The following MCTP1 variants were observed in gnomAD, a reference collection of about 807,000 sequenced individuals.
MCTP1 encodes the protein multiple C2 and transmembrane domain-containing protein 1.
A neutral mutation model predicts 120.6 loss-of-function variants in MCTP1; 69 were observed. That is an observed-to-expected ratio of 0.57 (90% CI 0.47 to 0.70). MCTP1 has a LOEUF of 0.70. Among genes scored for constraint, MCTP1 ranks in the 30% least tolerant of loss-of-function variants. The pLI is 0.00. For missense variants in MCTP1, 1,203 were observed against 1,248.8 expected, an observed-to-expected ratio of 0.96 and a Z score of 0.55; for synonymous variants, 529 against 493.1, an observed-to-expected ratio of 1.07 and a Z score of -0.96.
chr5:95,186,938 G>A (rs1247218626), intron 1 of MCTP1, among the ~76,000 whole-genome samples: 1 of 152,134 alleles, frequency 6.6e-6, no homozygotes, highest in Non-Finnish European at 1.5e-5. Context: ...ATATCCAAAA[G>A]ACAGGCAACA....
Position 94,772,817 on chromosome 5 carries a change from G to A in MCTP1, c.2610+6293C>T, listed in dbSNP as rs527382509. 3.3e-5 allele frequency among the ~76,000 whole-genome samples: 5 copies of A among 152,166 alleles called. No individual in the cohort carries two copies. In the South Asian group the frequency reaches 6.2e-4, roughly 19 times the overall value. On this transcript the variant is annotated intron_variant, in intron 19 of 22. Coordinates refer to ENST00000515393, the MANE Select transcript of MCTP1 (RefSeq NM_024717.7). ...GTACTTTGACAATACCCCTTCCCCC[G>A]GAAAACCTAGTCATAAGGAAGCGTA...
chr5:95,131,637 T>A (rs1759052525), intron 1 of MCTP1, among the ~76,000 whole-genome samples: 2 of 152,160 alleles, frequency 1.3e-5, no homozygotes, highest in South Asian at 4.1e-4. Context: ...TAACATAATT[T>A]ATGATTTCTT....
intron 1 of MCTP1, among the ~76,000 whole-genome samples, chr5:95,167,594 C>A (rs1369095228): frequency 1.3e-5 from 2 of 152,134 alleles, no homozygotes; most frequent in Admixed American, 6.6e-5. Context: ...TCTTAATGAT[C>A]GCCATTCTAA....
intron 1 of MCTP1, among the ~76,000 whole-genome samples, chr5:95,174,348 G>A (rs1747721023): frequency 6.6e-6 from 1 of 151,830 alleles, no homozygotes; most frequent in South Asian, 2.1e-4. Context: ...CAAAATCAGA[G>A]ATAATGAAAA....
chr5:94,863,301 T>C (rs571033068), intron 17 of MCTP1, among the ~76,000 whole-genome samples: 36 of 151,956 alleles, frequency 2.4e-4, no homozygotes, highest in African/African-American at 7.9e-4. Context: ...AAAAGTTACA[T>C]CTAGAACATT....
intron 1 of MCTP1, among the ~76,000 whole-genome samples, chr5:95,102,696 T>C (rs1181271012): frequency 6.9e-6 from 1 of 144,340 alleles, no homozygotes; most frequent in Non-Finnish European, 1.5e-5. Context: ...CAATCCATGA[T>C]TACAGTATGT....
intron 3 of MCTP1, among the ~76,000 whole-genome samples, chr5:94,950,528 G>A (rs910794139): frequency 4.6e-5 from 7 of 151,978 alleles, no homozygotes; most frequent in Non-Finnish European, 1.0e-4. Flanking sequence ...TATGTGTACT[G>A]TATATATGCA....
chr5:95,105,042 A>G (rs1402058179), intron 1 of MCTP1, among the ~76,000 whole-genome samples: 12 of 152,192 alleles, frequency 7.9e-5, no homozygotes, highest in Admixed American at 7.9e-4. Flanking sequence ...GTGCTGAACA[A>G]GTTTCCTAAA....
chr5:95,254,827 A>G (rs1042555118), intron 1 of MCTP1, among the ~76,000 whole-genome samples: 1 of 152,196 alleles, frequency 6.6e-6, no homozygotes, highest in Non-Finnish European at 1.5e-5. Context: ...GGCCAAGACA[A>G]TTAGATTCTG....
chr5:95,026,430 C>T (rs1401399423), intron 1 of MCTP1, among the ~76,000 whole-genome samples: 2 of 152,116 alleles, frequency 1.3e-5, no homozygotes, highest in Admixed American at 1.3e-4. Flanking sequence ...TAACCCTCCG[C>T]TCTTCCCCTC....
chr5:95,087,509 G>C (rs1231539747), intron 1 of MCTP1, among the ~76,000 whole-genome samples: 1 of 152,186 alleles, frequency 6.6e-6, no homozygotes, highest in East Asian at 1.9e-4. Context: ...ATGTGGGAAG[G>C]GGCTAGATCT....
chr5:94,868,338 AAGC>A lies in MCTP1; in HGVS notation c.2428_2430del (p.Ala810del). The stretch of plus-strand genomic sequence containing the variant: ...GTAATACAGTATGATCATACCACAA[AAGC>A]AGCGAGACTCCTTGGGGGTGAATCC... On this transcript the variant is annotated inframe_deletion, in exon 17 of 23. Coordinates refer to ENST00000515393, the MANE Select transcript of MCTP1 (RefSeq NM_024717.7). 6.3e-7 allele frequency: 1 copy of A among 1,598,332 alleles called. No homozygotes were observed. Among genetic ancestry groups the A allele is most frequent in the Non-Finnish European group, 8.5e-7 (1 of 1,173,650 alleles).
chr5:94,806,791 T>C (rs1280298631), intron 17 of MCTP1, among the ~76,000 whole-genome samples: 2 of 152,208 alleles, frequency 1.3e-5, no homozygotes, highest in African/African-American at 2.4e-5. Flanking sequence ...GATCATTAGC[T>C]CTCCAGTGAT....
intron 5 of MCTP1, among the ~76,000 whole-genome samples, chr5:94,933,409 A>T (rs1173629137): frequency 6.6e-6 from 1 of 151,744 alleles, no homozygotes; most frequent in Non-Finnish European, 1.5e-5. Flanking sequence ...CACCACCACC[A>T]TCACTTCCTC....
intron 10 of MCTP1, among the ~76,000 whole-genome samples, chr5:94,902,231 C>A (rs2153421638): frequency 6.6e-6 from 1 of 152,228 alleles, no homozygotes; most frequent in East Asian, 1.9e-4. Flanking sequence ...CAATGATAAA[C>A]AAGAATCTGC....
Position 94,950,946 on chromosome 5 carries a change from C to CAAAA in MCTP1, c.981+2269_981+2272dup, listed in dbSNP as rs1186726298. Among the ~76,000 whole-genome samples, 239 of 107,396 alleles carry CAAAA rather than the reference C, an allele frequency of 2.2e-3. 1 individual carries two copies. The highest frequency in any genetic ancestry group is 3.2e-3 in the Non-Finnish European group (162 of 51,364). 70.5% of individuals were successfully genotyped at this position (107,396 alleles called of 152,430 possible). A position where few individuals can be genotyped will look rare whatever the true frequency, so the allele number is the denominator to read the frequency against. On this transcript the variant is annotated intron_variant, in intron 3 of 22. Transcript: ENST00000515393. ...TGGGCGACAGAGCAAGACTCTGTCT[C>CAAAA]AAAAAAAAAAAAAAAAATGATTTTG...
intron 17 of MCTP1, among the ~76,000 whole-genome samples, chr5:94,843,630 T>C (rs1189939521): frequency 1.3e-5 from 2 of 152,234 alleles, no homozygotes; most frequent in Non-Finnish European, 2.9e-5. Flanking sequence ...AACAATGTTT[T>C]GGAGGCCATT....
intron 17 of MCTP1, among the ~76,000 whole-genome samples, chr5:94,829,143 G>A (rs1036766324): frequency 6.6e-6 from 1 of 152,334 alleles, no homozygotes; most frequent in Non-Finnish European, 1.5e-5. Context: ...TGAAGACCAC[G>A]GGAAAAGCAT....
intron 1 of MCTP1, among the ~76,000 whole-genome samples, chr5:95,200,872 C>A (rs1750932345): frequency 6.6e-6 from 1 of 152,234 alleles, no homozygotes; most frequent in South Asian, 2.1e-4. Flanking sequence ...CATTCCACAA[C>A]TTATACATAT....
Sources: allele counts gnomAD v4.1 joint callset (sites outside exome capture counted in the v4.1 genomes callset), GRCh38; gene constraint gnomAD v4.1.1; transcripts MANE v1.5; gene names NCBI Gene and HGNC (gene_info 2026-07-23, HGNC 2026-07-21).